LRRFIP2: variants seen among roughly 807,000 people sequenced by gnomAD.
LRRFIP2 encodes the protein leucine-rich repeat flightless-interacting protein 2.
LRRFIP2 carries 109 observed loss-of-function variants against 125.9 expected under a neutral mutation model. The ratio of observed to expected loss-of-function variants is 0.87; its 90% CI spans 0.74 to 1.01. The LOEUF (loss-of-function observed/expected upper bound fraction) is 1.01, where lower values mean the gene tolerates loss of function less well. Ranked by LOEUF, LRRFIP2 falls within the 50% of genes least tolerant of loss-of-function variation. LRRFIP2 has a pLI of 0.00. For missense variants in LRRFIP2, 850 were observed against 862.3 expected (o/e 0.99, Z 0.18); for synonymous variants, 291 against 293.1 (o/e 0.99, Z 0.07).
intron 1 of LRRFIP2, among the ~76,000 whole-genome samples, chr3:37,161,070 A>T (rs545600432): frequency 6.6e-6 from 1 of 151,100 alleles, no homozygotes; most frequent in Admixed American, 6.6e-5. Flanking sequence ...TGGGCCTGAC[A>T]TGATGGCTCA....
At chr3:37,101,086 G>C (rs953732086) in intron 15 of LRRFIP2, among the ~76,000 whole-genome samples, 1 of 152,084 alleles carries the variant, frequency 6.6e-6, no homozygotes, top group Non-Finnish European at 1.5e-5. Context: ...GGCTGGGCGC[G>C]GTGGCTCATG....
At chr3:37,106,906 A>ATTT (rs34377493) in intron 13 of LRRFIP2, among the ~76,000 whole-genome samples, 4 of 144,552 alleles carry the variant, frequency 2.8e-5, no homozygotes, top group African/African-American at 7.7e-5. Context: ...GGAAATGACT[A>ATTT]TTTTTTTTTT....
intron 18 of LRRFIP2, among the ~76,000 whole-genome samples, chr3:37,084,323 C>A (rs1443983672): frequency 6.6e-6 from 1 of 151,938 alleles, no homozygotes; most frequent in Non-Finnish European, 1.5e-5. Flanking sequence ...TAGCAATTAT[C>A]CAAATTTCAA....
intron 15 of LRRFIP2, among the ~76,000 whole-genome samples, chr3:37,102,337 A>G (rs1052673693): frequency 1.3e-5 from 2 of 152,100 alleles, no homozygotes. Context: ...AATCAATGAA[A>G]CAAAATTGGC....
chr3:37,066,224 C>G lies in LRRFIP2; in HGVS notation c.1566G>C (p.Glu522Asp). 1 of 1,613,060 alleles carries G rather than the reference C, an allele frequency of 6.2e-7. No individual in the cohort carries two copies. The highest frequency in any genetic ancestry group is 1.1e-5 in the South Asian group (1 of 91,060). The change falls in exon 22 of 28, where the codon GAG becomes GAC. Residue 522 changes from glutamate to aspartate, a missense_variant and splice_region_variant. By Grantham distance (45) the Glu-to-Asp change is conservative (BLOSUM62 2). Coordinates refer to ENST00000336686, the MANE Select transcript of LRRFIP2 (RefSeq NM_006309.4). ...GAATTCCAGGCTAATGCTAACATAC[C>G]TCTCCCGTCTTCACTGTCTCCTGCA... Reference protein sequence around the residue: ...ADLQETVKTGEKHGLVIIPDG... With the variant: ...ADLQETVKTGDKHGLVIIPDG...
intron 24 of LRRFIP2, among the ~76,000 whole-genome samples, chr3:37,062,668 A>G (rs2089107987): frequency 1.3e-5 from 2 of 152,218 alleles, no homozygotes; most frequent in African/African-American, 4.8e-5. Flanking sequence ...TCACAGCACA[A>G]TGAAGAAATG....
At chr3:37,059,724 T>G (rs999552238) in intron 24 of LRRFIP2, among the ~76,000 whole-genome samples, 2 of 151,646 alleles carry the variant, frequency 1.3e-5, no homozygotes, top group Admixed American at 1.3e-4. Flanking sequence ...TAGGTGGAGG[T>G]TGCAGTGAGT....
rs146731414 is a variant in LRRFIP2 at position 37,054,083 on chromosome 3, A to G, written c.2056-122T>C. On this transcript the variant is annotated intron_variant, in intron 27 of 27. Coordinates refer to ENST00000336686, the MANE Select transcript of LRRFIP2 (RefSeq NM_006309.4). ...TGTGATGGCCTTGCACAGGACCCAC[A>G]ACCTCATTTTTTCTATCAGTTAGAG... 4.3e-3 allele frequency: 2,910 copies of G among 683,024 alleles called. 43 individuals are homozygous for G. The highest frequency in any genetic ancestry group is 0.018 in the East Asian group (698 of 39,174). 42.3% of individuals were successfully genotyped at this position (683,024 alleles called of 1,614,324 possible).
intron 7 of LRRFIP2, among the ~76,000 whole-genome samples, chr3:37,114,289 T>A (rs1392226323): frequency 6.6e-6 from 1 of 152,118 alleles, no homozygotes; most frequent in Non-Finnish European, 1.5e-5. Context: ...CAAACCAAAA[T>A]GTTTGGACAT....
At chr3:37,071,276 G>A (rs1461446923) in intron 21 of LRRFIP2, among the ~76,000 whole-genome samples, 1 of 152,196 alleles carries the variant, frequency 6.6e-6, no homozygotes, top group African/African-American at 2.4e-5. Flanking sequence ...GGAGTGCCAT[G>A]GCACGATCAT....
At chr3:37,084,185 ACAGAATACAG>A (rs2092866680) in intron 18 of LRRFIP2, among the ~76,000 whole-genome samples, 1 of 152,194 alleles carries the variant, frequency 6.6e-6, no homozygotes, top group Non-Finnish European at 1.5e-5. Flanking sequence ...CAGTGATACC[ACAGAATACAG>A]CCTCTCTTTA....
intron 1 of LRRFIP2, among the ~76,000 whole-genome samples, chr3:37,158,187 T>C (rs2096249198): frequency 6.6e-6 from 1 of 152,228 alleles, no homozygotes; most frequent in Non-Finnish European, 1.5e-5. Flanking sequence ...CACTTTCTAG[T>C]ACCATTCAAA....
chr3:37,131,204 C>T (rs955900538), intron 2 of LRRFIP2, among the ~76,000 whole-genome samples: 1 of 152,168 alleles, frequency 6.6e-6, no homozygotes, highest in Non-Finnish European at 1.5e-5. Flanking sequence ...CATCCCATCT[C>T]TCTCCATTCC....
In LRRFIP2 at chr3:37,109,663, T is replaced by G. The variant is rs1473386409; in HGVS notation, c.554A>C (p.Lys185Thr). ...SLYSDPLATY[K>T]SDRASPTANS... ...TCAGAAAGTACTAACCCTGTCACTCTTATATGTTGCCAGAGGGTCACTGTA... is the reference window on the plus strand; with the variant it reads ...TCAGAAAGTACTAACCCTGTCACTCGTATATGTTGCCAGAGGGTCACTGTA... Residue 185 changes from lysine (K) to threonine (T), a missense_variant, in exon 10 of 28, where the codon AAG (lysine) becomes ACG (threonine). Lys to Thr is a moderately conservative substitution (Grantham distance 78). Transcript: ENST00000336686. 1 of 1,613,960 alleles carries G rather than the reference T, an allele frequency of 6.2e-7. No homozygotes were observed. The highest frequency in any genetic ancestry group is 1.3e-5 in the African/African-American group (1 of 74,910).
intron 1 of LRRFIP2, among the ~76,000 whole-genome samples, chr3:37,169,969 G>T (rs890557563): frequency 2.0e-5 from 3 of 151,880 alleles, no homozygotes; most frequent in African/African-American, 4.8e-5. Flanking sequence ...TTTTCCCGAG[G>T]AGGAAAGGAA....
At chr3:37,135,946 A>G (rs1434358500) in intron 2 of LRRFIP2, among the ~76,000 whole-genome samples, 3 of 152,246 alleles carry the variant, frequency 2.0e-5, no homozygotes, top group Admixed American at 2.0e-4. Context: ...TATGTACCTA[A>G]GAGAAACGAG....
At chr3:37,096,015 A>C (rs2093698624) in intron 16 of LRRFIP2, among the ~76,000 whole-genome samples, 1 of 152,156 alleles carries the variant, frequency 6.6e-6, no homozygotes, top group Non-Finnish European at 1.5e-5. Flanking sequence ...ATATCACCTA[A>C]ATTAATTTTA....
Position 37,099,348 on chromosome 3 carries a change from A to C in LRRFIP2, c.874-2688T>G, listed in dbSNP as rs368867897. On this transcript the variant is annotated intron_variant, in intron 15 of 27. Transcript: ENST00000336686. ...AATGCAATAACAAGCTAATGTTCAT[A>C]ATGATGATCCAGAGTCTGCCAGATC... Among the ~76,000 whole-genome samples, 6 of 152,324 alleles carry C rather than the reference A, an allele frequency of 3.9e-5. No individual in the cohort carries two copies. In the South Asian group the frequency reaches 1.2e-3, roughly 32 times the overall value.
intron 4 of LRRFIP2, among the ~76,000 whole-genome samples, chr3:37,125,960 CTTTTTA>C (rs1409470440): frequency 4.6e-5 from 7 of 151,730 alleles, no homozygotes; most frequent in African/African-American, 1.5e-4. Flanking sequence ...TTTTCTTTTT[CTTTTTA>C]TTTATTTTGT....
Sources: gnomAD v4.1 joint callset for allele counts (sites outside exome capture counted in the v4.1 genomes callset) on GRCh38, gnomAD v4.1.1 for gene constraint, MANE v1.5 for transcripts, NCBI Gene and HGNC (gene_info 2026-07-23, HGNC 2026-07-21) for gene names.